Variants in PARP10 observed in about 807,000 individuals in gnomAD.
PARP10 encodes the protein protein mono-ADP-ribosyltransferase PARP10.
PARP10 carries 56 observed loss-of-function variants against 82.4 expected under a neutral mutation model. The observed-to-expected ratio is 0.68, with a 90% CI of 0.55 to 0.85. The LOEUF (loss-of-function observed/expected upper bound fraction) is 0.85. Ranked by LOEUF, PARP10 falls within the 40% of genes least tolerant of loss-of-function variation. The pLI, the probability that PARP10 is intolerant of heterozygous loss-of-function variation, is 0.00. For missense variants in PARP10, 1,227 were observed against 1,379.4 expected, an observed-to-expected ratio of 0.89 and a Z score of 1.75; for synonymous variants, 576 against 601.1, an observed-to-expected ratio of 0.96 and a Z score of 0.61.
chr8:143,977,660 G>A lies in PARP10; in HGVS notation c.2902C>T (p.Pro968Ser), dbSNP rs1450274644. 1 of 1,594,382 alleles carries A rather than the reference G, an allele frequency of 6.3e-7. No individual in the cohort carries two copies. The highest frequency in any genetic ancestry group is 1.3e-5 in the African/African-American group (1 of 74,574). ...TCGTAGCGCAGGAGCACGTGGCCAGGACCCCGCAGAGGGGGCGCCCGCAGA... is the reference window on the plus strand; with the variant it reads ...TCGTAGCGCAGGAGCACGTGGCCAGAACCCCGCAGAGGGGGCGCCCGCAGA... ...RGLRAPPLRG[P>S]GHVLLRYDSA... Residue 968 changes from proline (P) to serine (S), a missense_variant, in exon 11 of 11, where the codon CCT becomes TCT. Transcript: ENST00000313028.
chr8:144,006,440 C>T (rs1344808967), intron 1 of PARP10, among the ~76,000 whole-genome samples: 3 of 152,216 alleles, frequency 2.0e-5, no homozygotes, highest in African/African-American at 7.2e-5. Context: ...TCTAGTTCCC[C>T]TGTGCTACAG....
intron 9 of PARP10, among the ~76,000 whole-genome samples, chr8:143,979,803 A>G (rs1159535257): frequency 2.0e-5 from 3 of 152,070 alleles, no homozygotes; most frequent in East Asian, 3.9e-4. Context: ...AGGTGGGCGG[A>G]TCACGAGGTC....
chr8:143,978,039 G>C lies in PARP10; in HGVS notation c.2599C>G (p.Leu867Val), dbSNP rs1833747699. Residue 867 changes from leucine to valine, a missense_variant, in exon 10 of 11, where the codon CTG becomes GTG. Leu to Val is a conservative substitution (Grantham distance 32, BLOSUM62 1). Coordinates refer to ENST00000313028, the MANE Select transcript of PARP10 (RefSeq NM_032789.5). ...CGCTGCAGCAGGCGCTCCCGGTACAGCTCATACTGCTGCTGCAGCAGCGGG... is the reference window on the plus strand; with the variant it reads ...CGCTGCAGCAGGCGCTCCCGGTACACCTCATACTGCTGCTGCAGCAGCGGG... ...SHPLLQQQYE[L>V]YRERLLQRCE... is the part of the protein sequence containing the mutation. 1 of 1,561,600 alleles carries C rather than the reference G, an allele frequency of 6.4e-7. No individual in the cohort carries two copies. The highest frequency in any genetic ancestry group is 8.6e-7 in the Non-Finnish European group (1 of 1,157,746).
upstream of PARP10, chr8:143,992,953 A>G (rs1005741134): frequency 3.4e-6 from 3 of 883,592 alleles, no homozygotes; most frequent in South Asian, 1.7e-5. Flanking sequence ...GGCACAGCCT[A>G]GGGAAAAGGA....
chr8:143,987,419 C>T (rs782193324), upstream of PARP10, among the ~76,000 whole-genome samples: 22 of 152,266 alleles, frequency 1.4e-4, no homozygotes, highest in Non-Finnish European at 2.8e-4. Flanking sequence ...ACATGCCACA[C>T]CTCTGCTGCC....
upstream of PARP10, chr8:143,992,209 A>G (rs372445018): frequency 3.1e-6 from 5 of 1,602,366 alleles, no homozygotes; most frequent in Middle Eastern, 1.7e-4. Context: ...GCATGGGGGC[A>G]CACACCCAAG....
chr8:144,009,081 CAAGAGGAGG>C (rs1361301638), intron 1 of PARP10, among the ~76,000 whole-genome samples: 1 of 152,100 alleles, frequency 6.6e-6, no homozygotes, highest in Non-Finnish European at 1.5e-5. Context: ...CACCAGGCTA[CAAGAGGAGG>C]AAGAGAACAG....
At position 143,983,566 on chromosome 8, in the gene PARP10, C is replaced by A; in HGVS notation, c.2023G>T (p.Glu675Ter). 1 of 1,606,490 alleles carries A rather than the reference C, an allele frequency of 6.2e-7. No homozygotes were observed. Among genetic ancestry groups the A allele is most frequent in the East Asian group, 2.2e-5 (1 of 44,630 alleles). The change falls in exon 8 of 11, where the codon GAG (glutamate) becomes TAG (stop). Residue 675 changes from glutamate (E) to a stop codon, truncating the protein, a stop_gained. Coordinates refer to ENST00000313028, the MANE Select transcript of PARP10 (RefSeq NM_032789.5). LOFTEE classifies it high-confidence loss of function. Reference protein sequence around the residue: ...EPQGQVAEQEEAAALRQALTL... With the variant: ...EPQGQVAEQE ...AGGGCTTGCCGCAGGGCAGCAGCCT[C>A]CTCCTGCTCAGCCACCTGACCTTGA...
Position 143,978,057 on chromosome 8 carries a change from G to T in PARP10, c.2581C>A (p.Leu861Met). The change falls in exon 10 of 11, where the codon CTG becomes ATG. Residue 861 changes from leucine (L) to methionine (M), a missense_variant. By Grantham distance (15) the Leu-to-Met change is conservative. Coordinates refer to ENST00000313028, the MANE Select transcript of PARP10 (RefSeq NM_032789.5). ...VRVERVSHPL[L>M]QQQYELYRER... ...CGGTACAGCTCATACTGCTGCTGCA[G>T]CAGCGGGTGCGACACGCGCTCCACC... The T allele has an allele frequency of 6.5e-7, 1 of 1,542,090 alleles. No homozygotes were observed. Among genetic ancestry groups the T allele is most frequent in the Non-Finnish European group, 8.7e-7 (1 of 1,147,452 alleles).
rs567435395 is a variant in PARP10, at chr8:144,011,967, G to A, written c.-80+563C>T. On this transcript the variant is annotated intron_variant, in intron 1 of 3. Coordinates refer to the PARP10 transcript ENST00000530478. This position sits in a 1 kb window ranked among gnomAD's most constrained non-coding sequence, Gnocchi z 4.5. ...GCATGTTCAAGATCACCAAGAAGGG[G>A]CATCCTGGCCAGGAAGGTGGAGTGG... Among the ~76,000 whole-genome samples the A allele has an allele frequency of 6.6e-6, 1 of 152,182 alleles. No homozygotes were observed. The highest frequency in any genetic ancestry group is 2.4e-5 in the African/African-American group (1 of 41,462).
Position 143,986,168 on chromosome 8 carries a change from G to C in PARP10, c.68C>G (p.Pro23Arg), listed in dbSNP as rs782323097. 1.2e-6 allele frequency: 2 copies of C among 1,613,936 alleles called. No individual in the cohort carries two copies. Among genetic ancestry groups the C allele is most frequent in the Non-Finnish European group, 1.7e-6 (2 of 1,179,970 alleles). ...VEVRGLPPAV[P>R]DELLTLYFEN... ...AAAGTAGAGAGTGAGCAGCTCGTCG[G>C]GCACGGCAGGGGGCAGTCCACGGAC... The change falls in exon 2 of 11, where the codon CCC (proline) becomes CGC (arginine). Residue 23 changes from proline (P) to arginine (R), a missense_variant. By Grantham distance (103) the Pro-to-Arg change is moderately radical. Transcript: ENST00000313028.
chr8:144,009,755 C>T (rs1391793444), intron 1 of PARP10, among the ~76,000 whole-genome samples: 3 of 152,184 alleles, frequency 2.0e-5, no homozygotes, highest in African/African-American at 7.2e-5. Flanking sequence ...GAGGCTCCAC[C>T]ACCCATGCCA....
chr8:143,979,120 C>G (rs1198129407), intron 9 of PARP10, among the ~76,000 whole-genome samples: 1 of 152,120 alleles, frequency 6.6e-6, no homozygotes, highest in Non-Finnish European at 1.5e-5. Flanking sequence ...CTACAGGCAC[C>G]TGCCACCGCG....
chr8:143,977,550 G>A lies in PARP10; in HGVS notation c.3012C>T (p.Cys1004=). Residue 1004 remains cysteine, a synonymous_variant, in exon 11 of 11, where the codon TGC becomes TGT. Transcript: ENST00000313028. The part of the protein sequence containing the change: ...TQALPTHLIT[C]EHVPRASPDD... ...CGGGGGAAGCGCGGGGCACGTGCTC[G>A]CAGGTGATGAGGTGGGTGGGCAGCG... 1.9e-6 allele frequency: 3 copies of A among 1,567,624 alleles called. No homozygotes were observed. The highest frequency in any genetic ancestry group is 1.2e-5 in the South Asian group (1 of 85,556).
upstream of PARP10, chr8:143,991,163 G>T: frequency 8.0e-7 from 1 of 1,246,068 alleles, no homozygotes; most frequent in Non-Finnish European, 1.1e-6. Flanking sequence ...CTGTCGTCAA[G>T]CCAACTGTTC....
chr8:143,997,992 TA>T (rs1415883083), intron 1 of PARP10, among the ~76,000 whole-genome samples: 1 of 151,982 alleles, frequency 6.6e-6, no homozygotes, highest in African/African-American at 2.4e-5. Context: ...AGGGTCTTGC[TA>T]TATTGCCCAG....
chr8:143,977,635 T>C lies in PARP10; in HGVS notation c.2927A>G (p.Asp976Gly). 6.3e-7 allele frequency: 1 copy of C among 1,592,398 alleles called. No homozygotes were observed. The highest frequency in any genetic ancestry group is 8.5e-7 in the Non-Finnish European group (1 of 1,170,398). Residue 976 changes from aspartate to glycine, a missense_variant, in exon 11 of 11, where the codon GAC becomes GGC. Transcript: ENST00000313028. ...RGPGHVLLRY[D>G]SAVDCICQPS... Reference sequence around the variant, plus strand: ...CTGGCAGATGCAGTCCACGGCGCTGTCGTAGCGCAGGAGCACGTGGCCAGG... The same window carrying C: ...CTGGCAGATGCAGTCCACGGCGCTGCCGTAGCGCAGGAGCACGTGGCCAGG...
At position 143,985,204 on chromosome 8, in the gene PARP10, G is replaced by A. The variant is rs370779044; in HGVS notation, c.798C>T (p.Ser266=). 12 of 1,614,018 alleles carry A rather than the reference G, an allele frequency of 7.4e-6. No individual in the cohort carries two copies. In the African/African-American group the frequency reaches 9.3e-5, roughly 13 times the overall value. ...AENTSGGDHP[S]TQGPRATKHA... Reference sequence around the variant, plus strand: ...GCTTGGTAGCCCTAGGCCCCTGGGTGGACGGGTGGTCCCCTCCACTGGTGT... The same window carrying A: ...GCTTGGTAGCCCTAGGCCCCTGGGTAGACGGGTGGTCCCCTCCACTGGTGT... Residue 266 remains serine (S), a synonymous_variant, in exon 5 of 11, where the codon TCC becomes TCT. Transcript: ENST00000313028.
At chr8:143,987,706 C>T (rs963337876), upstream of PARP10, among the ~76,000 whole-genome samples, 2 of 152,142 alleles carry the variant, frequency 1.3e-5, no homozygotes, top group African/African-American at 4.8e-5. Flanking sequence ...GCCTGGCCAA[C>T]ATGGTAAAAC....
Sources: gnomAD v4.1 joint callset for allele counts (sites outside exome capture counted in the v4.1 genomes callset) on GRCh38, gnomAD v4.1.1 for gene constraint, Gnocchi (gnomAD v3.1) non-coding constraint, MANE v1.5 for transcripts, NCBI Gene and HGNC (gene_info 2026-07-23, HGNC 2026-07-21) for gene names.